Variants in RBFOX3 observed in about 807,000 individuals in gnomAD.
The protein encoded by RBFOX3 is RNA binding protein fox-1 homolog 3.
RBFOX3 carries 17 observed loss-of-function variants against 48.7 expected under a neutral mutation model. The ratio of observed to expected loss-of-function variants is 0.35; its 90% CI spans 0.24 to 0.52. The LOEUF (loss-of-function observed/expected upper bound fraction) is 0.52, where lower values mean the gene tolerates loss of function less well. Among genes scored for constraint, RBFOX3 ranks in the 20% least tolerant of loss-of-function variants. The pLI is 0.94. For missense variants in RBFOX3, 382 were observed against 497.5 expected (o/e 0.77, Z 2.21); for synonymous variants, 212 against 209.5 (o/e 1.01, Z -0.10).
intron 1 of RBFOX3, among the ~76,000 whole-genome samples, chr17:79,594,326 G>A (rs2093508257): frequency 6.6e-6 from 1 of 152,152 alleles, no homozygotes; most frequent in Non-Finnish European, 1.5e-5. Context: ...GCACTCTGCG[G>A]GGCAGCAGGG....
chr17:79,297,039 G>C (rs1355262167), intron 3 of RBFOX3, among the ~76,000 whole-genome samples: 1 of 150,010 alleles, frequency 6.7e-6, no homozygotes, highest in African/African-American at 2.5e-5. Flanking sequence ...AGCAGCTCTG[G>C]CTTTTTCCTC....
At chr17:79,258,279 G>A (rs1388338668) in intron 3 of RBFOX3, among the ~76,000 whole-genome samples, 3 of 152,198 alleles carry the variant, frequency 2.0e-5, no homozygotes, top group Non-Finnish European at 4.4e-5. Flanking sequence ...GCACCAGACA[G>A]CAGCCTCCAG....
chr17:79,118,194 T>C (rs1178962163), intron 4 of RBFOX3, among the ~76,000 whole-genome samples: 1 of 151,746 alleles, frequency 6.6e-6, no homozygotes, highest in African/African-American at 2.4e-5. Context: ...GGAGCAGAAG[T>C]GCTGTCCTCC....
chr17:79,117,086 G>T (rs2034222356), intron 4 of RBFOX3, among the ~76,000 whole-genome samples: 1 of 152,286 alleles, frequency 6.6e-6, no homozygotes, highest in East Asian at 1.9e-4. Flanking sequence ...CAGAGGGAAA[G>T]GGGCTCCGGC....
intron 1 of RBFOX3, among the ~76,000 whole-genome samples, chr17:79,563,011 A>G (rs2092307310): frequency 6.6e-6 from 1 of 152,234 alleles, no homozygotes; most frequent in African/African-American, 2.4e-5. Flanking sequence ...GCCCTGTGCC[A>G]GCCAGCACTC....
intron 4 of RBFOX3, among the ~76,000 whole-genome samples, chr17:79,116,834 G>T (rs564296175): frequency 1.3e-5 from 2 of 152,368 alleles, no homozygotes; most frequent in South Asian, 4.1e-4. Context: ...CAGGACCCCA[G>T]CAGCAATACA....
At chr17:79,420,168 CACACACAAA>C (rs2066059231) in intron 2 of RBFOX3, among the ~76,000 whole-genome samples, 1 of 99,028 alleles carries the variant, frequency 1.0e-5, no homozygotes, top group African/African-American at 3.7e-5. Context: ...CACACACACA[CACACACAAA>C]AGATGGTTAA....
chr17:79,330,515 C>CGAGG (rs1568054135), intron 2 of RBFOX3, among the ~76,000 whole-genome samples: 1 of 152,056 alleles, frequency 6.6e-6, no homozygotes, highest in East Asian at 1.9e-4. Context: ...TTGAAATAGA[C>CGAGG]GAGGGGATAT....
intron 2 of RBFOX3, among the ~76,000 whole-genome samples, chr17:79,402,666 G>A (rs1338344418): frequency 3.3e-5 from 5 of 152,158 alleles, no homozygotes; most frequent in Non-Finnish European, 5.9e-5. Flanking sequence ...TTTGGCTCTC[G>A]GTCTCCTTGT....
At chr17:79,547,111 G>C (rs931517093) in intron 1 of RBFOX3, among the ~76,000 whole-genome samples, 1 of 152,146 alleles carries the variant, frequency 6.6e-6, no homozygotes, top group African/African-American at 2.4e-5. Context: ...TTACCTTGGG[G>C]CACCTGAGTC....
At chr17:79,560,065 G>C (rs1331709040) in intron 1 of RBFOX3, among the ~76,000 whole-genome samples, 1 of 147,266 alleles carries the variant, frequency 6.8e-6, no homozygotes, top group Non-Finnish European at 1.5e-5. Flanking sequence ...TAGGTGGGTG[G>C]GTGGGTGGTG....
In RBFOX3 at chr17:79,479,922, G is replaced by C. The variant is rs1006282004; in HGVS notation, c.-175+2532C>G. 6.6e-6 allele frequency among the ~76,000 whole-genome samples: 1 copy of C among 152,212 alleles called. No homozygotes were observed. Among genetic ancestry groups the C allele is most frequent in the African/African-American group, 2.4e-5 (1 of 41,452 alleles). The stretch of plus-strand genomic sequence containing the variant: ...GGAACTAGGCGTCTGAGGTTCCAGA[G>C]ACAGAGCATGATCTCAGGGGGTCTC... On this transcript the variant is annotated intron_variant, in intron 2 of 14. Transcript: ENST00000693108. The surrounding 1 kb of genome is among the most constrained non-coding windows in gnomAD (Gnocchi z 5.1).
intron 3 of RBFOX3, among the ~76,000 whole-genome samples, chr17:79,259,868 G>A (rs531009854): frequency 2.4e-4 from 37 of 152,274 alleles, no homozygotes; most frequent in Middle Eastern, 3.4e-3. Context: ...GAAGAGGCCC[G>A]TCTGAGCATT....
In RBFOX3 at chr17:79,431,477, T is replaced by C. The variant is rs1276697169; in HGVS notation, c.-175+50977A>G. On this transcript the variant is annotated intron_variant, in intron 2 of 14. Transcript: ENST00000693108. ...TACAGGTGCCCCCCACCCCCCACCATGCCTGGCTAATTTTTTTTTTTTTTT... is the reference window on the plus strand; with the variant it reads ...TACAGGTGCCCCCCACCCCCCACCACGCCTGGCTAATTTTTTTTTTTTTTT... Among the ~76,000 whole-genome samples, 4 of 128,152 alleles carry C rather than the reference T, an allele frequency of 3.1e-5. No individual in the cohort carries two copies. In the East Asian group the frequency reaches 1.0e-3, roughly 33 times the overall value. 84.1% of individuals were successfully genotyped at this position (128,152 alleles called of 152,430 possible).
intron 1 of RBFOX3, among the ~76,000 whole-genome samples, chr17:79,545,960 G>A (rs150211947): frequency 7.0e-4 from 107 of 152,278 alleles, no homozygotes; most frequent in African/African-American, 2.5e-3. Context: ...ACGTGTGTGC[G>A]TGTGCACGTG....
At chr17:79,664,450 C>A in the RBFOX3 span, among the ~76,000 whole-genome samples, 2 of 151,790 alleles carry the variant, frequency 1.3e-5, no homozygotes, top group African/African-American at 2.4e-5. Flanking sequence ...GGGTTCACGC[C>A]ATTCTCCTGC....
At chr17:79,126,871 T>C (rs918823698) in intron 4 of RBFOX3, among the ~76,000 whole-genome samples, 1 of 152,172 alleles carries the variant, frequency 6.6e-6, no homozygotes, top group Admixed American at 6.5e-5. Context: ...TGCCACTCAC[T>C]GAGCTGAAAT....
At chr17:79,095,321 C>T (rs1443232711) in intron 13 of RBFOX3, among the ~76,000 whole-genome samples, 192 bp downstream of exon 13, 1 of 152,176 alleles carries the variant, frequency 6.6e-6, no homozygotes, top group East Asian at 1.9e-4. Context: ...ATGGGGTAAG[C>T]AGGAAGTGAC....
chr17:79,530,219 A>T (rs1280453808), intron 1 of RBFOX3, among the ~76,000 whole-genome samples: 1 of 152,124 alleles, frequency 6.6e-6, no homozygotes, highest in African/African-American at 2.4e-5. Context: ...GAGAGAGTGG[A>T]CTTTGCGGGG....
Sources: gnomAD v4.1 joint callset for allele counts (sites outside exome capture counted in the v4.1 genomes callset) on GRCh38, gnomAD v4.1.1 for gene constraint, Gnocchi (gnomAD v3.1) non-coding constraint, MANE v1.5 for transcripts, NCBI Gene and HGNC (gene_info 2026-07-23, HGNC 2026-07-21) for gene names.